IST1: variants seen among roughly 807,000 people sequenced by gnomAD.
The protein encoded by IST1 is IST1 factor associated with ESCRT-III.
A neutral mutation model predicts 37.0 loss-of-function variants in IST1; 23 were observed. That is an observed-to-expected ratio of 0.62 (90% confidence interval 0.45 to 0.88). IST1 has a LOEUF of 0.88. IST1 is among the 40% of genes least tolerant of loss of function. The pLI, the probability that IST1 is intolerant of heterozygous loss-of-function variation, is 0.00. For missense variants in IST1, 488 were observed against 445.4 expected, an observed-to-expected ratio of 1.10 and a Z score of -0.86; for synonymous variants, 180 against 161.7, an observed-to-expected ratio of 1.11 and a Z score of -0.86.
At chr16:71,907,594 G>T (rs1442368294) in intron 1 of IST1, among the ~76,000 whole-genome samples, 1 of 151,788 alleles carries the variant, frequency 6.6e-6, no homozygotes, top group Non-Finnish European at 1.5e-5. Flanking sequence ...AGGATTTAAT[G>T]ACCCAACTGT....
chr16:71,910,522 C>T (rs952441684), intron 1 of IST1, among the ~76,000 whole-genome samples: 3 of 150,848 alleles, frequency 2.0e-5, no homozygotes, highest in East Asian at 2.0e-4. Flanking sequence ...AGGAGAATGG[C>T]GTGAACCTGG....
chr16:71,918,009 C>G (rs987437299), intron 4 of IST1, among the ~76,000 whole-genome samples: 1 of 152,094 alleles, frequency 6.6e-6, no homozygotes, highest in Admixed American at 6.6e-5. Flanking sequence ...AGATTGGAAC[C>G]TCTCGTGTGC....
intron 1 of IST1, among the ~76,000 whole-genome samples, chr16:71,906,126 C>G (rs545150996): frequency 6.6e-6 from 1 of 151,724 alleles, no homozygotes; most frequent in South Asian, 2.1e-4. Flanking sequence ...GCCTCAGCCT[C>G]CCGAGTAGCT....
intron 1 of IST1, among the ~76,000 whole-genome samples, chr16:71,908,969 C>G (rs192784076): frequency 6.6e-6 from 1 of 152,120 alleles, no homozygotes; most frequent in Non-Finnish European, 1.5e-5. Context: ...AGACACTGAA[C>G]CTAGAACCCT....
chr16:71,924,706 AC>A, intron 8 of IST1, 62 bp from the exon 9 acceptor site: 1 of 1,270,100 alleles, frequency 7.9e-7, no homozygotes, highest in South Asian at 1.2e-5. Flanking sequence ...ACAGGGGCTT[AC>A]ACCAGTACTT....
chr16:71,894,621 G>A, upstream of IST1: 1 of 516,302 alleles, frequency 1.9e-6, no homozygotes, highest in South Asian at 2.2e-5. Flanking sequence ...GACCTTCTGG[G>A]CTCAAGCGAT....
chr16:71,921,875 C>T (rs898200751), intron 6 of IST1: 18 of 192,764 alleles, frequency 9.3e-5, no homozygotes, highest in Non-Finnish European at 1.6e-4. Flanking sequence ...GGCTGGCTCA[C>T]GCCTGTAATC....
chr16:71,900,209 C>G (rs1251008994), intron 1 of IST1, among the ~76,000 whole-genome samples: 3 of 150,660 alleles, frequency 2.0e-5, no homozygotes, highest in Non-Finnish European at 3.0e-5. Flanking sequence ...TAACACACGT[C>G]AAAACCAAAA....
chr16:71,929,619 A>G lies in IST1; in HGVS notation c.*1806A>G. ...GCTCAGATGAGGTTTTTTGGGGCCA[A>G]CTGATTCCTAACAAATTTGAGAGCT... On this transcript the variant is annotated 3_prime_UTR_variant, in exon 10 of 10. Transcript: ENST00000378799. 1 of 1,551,864 alleles carries G rather than the reference A, an allele frequency of 6.4e-7. No individual in the cohort carries two copies. The highest frequency in any genetic ancestry group is 2.0e-5 in the Admixed American group (1 of 51,002).
chr16:71,913,407 T>A (rs2037401230), intron 1 of IST1, among the ~76,000 whole-genome samples: 2 of 152,238 alleles, frequency 1.3e-5, no homozygotes, highest in Non-Finnish European at 2.9e-5. Flanking sequence ...TGTATATCAT[T>A]TTTGGAGAAA....
chr16:71,921,262 A>C, intron 5 of IST1, 81 bp from the exon 6 acceptor site: 1 of 817,170 alleles, frequency 1.2e-6, no homozygotes, highest in Non-Finnish European at 2.1e-6. Flanking sequence ...GTAAAATGAG[A>C]GGAGCTAACT....
At chr16:71,921,490 G>C (rs746331028) in intron 6 of IST1, 37 bp downstream of exon 6, 2 of 1,297,842 alleles carry the variant, frequency 1.5e-6, no homozygotes, top group South Asian at 2.4e-5. Flanking sequence ...AAATGAGTTT[G>C]TAGGTATGAC....
At chr16:71,923,007 T>C (rs2037644558) in intron 7 of IST1, 2 of 477,524 alleles carry the variant, frequency 4.2e-6, no homozygotes, top group Non-Finnish European at 7.4e-6. Context: ...GAACAACCTT[T>C]GTAGATAAGA....
chr16:71,928,015 G>C lies in IST1; in HGVS notation c.*202G>C, dbSNP rs2037792976. ...CCTGAGACTAACAATTGGAGACTGAGGCCAGAGCAACTGGCTCCTGGCAGC... is the reference window on the plus strand; with the variant it reads ...CCTGAGACTAACAATTGGAGACTGACGCCAGAGCAACTGGCTCCTGGCAGC... On this transcript the variant is annotated 3_prime_UTR_variant, in exon 10 of 10. Transcript: ENST00000378799. 3.6e-6 allele frequency: 2 copies of C among 550,300 alleles called. No individual in the cohort carries two copies. The highest frequency in any genetic ancestry group is 3.8e-5 in the African/African-American group (2 of 52,752). 34.1% of individuals were successfully genotyped at this position (550,300 alleles called of 1,614,324 possible).
At chr16:71,904,159 T>C (rs1369512264) in intron 1 of IST1, among the ~76,000 whole-genome samples, 1 of 152,182 alleles carries the variant, frequency 6.6e-6, no homozygotes, top group East Asian at 1.9e-4. Context: ...AGTTTCGCTG[T>C]TGTTGCCCAG....
intron 1 of IST1, among the ~76,000 whole-genome samples, chr16:71,900,422 G>A (rs942727775): frequency 6.0e-5 from 8 of 132,930 alleles, no homozygotes; most frequent in African/African-American, 2.4e-4. Context: ...TCACTATTTT[G>A]GGCAGCAGTT....
chr16:71,915,637 C>T lies in IST1; in HGVS notation c.-4C>T, dbSNP rs1399592523. 1.2e-6 allele frequency: 2 copies of T among 1,609,828 alleles called. No individual in the cohort carries two copies. Among genetic ancestry groups the T allele is most frequent in the Admixed American group, 1.7e-5 (1 of 59,312 alleles). ...TCTTCTGTTTCTAGGAGGAACAGCA[C>T]AGCATGCTGGGCTCTGGATTTAAAG... is the stretch of plus-strand genomic sequence containing the variant. On this transcript the variant is annotated 5_prime_UTR_variant, in exon 2 of 10. The change creates a premature stop within an existing upstream ORF in the 5' untranslated region. Transcript: ENST00000378799.
At chr16:71,896,261 C>T (rs757680247) in intron 1 of IST1, among the ~76,000 whole-genome samples, 1 of 152,048 alleles carries the variant, frequency 6.6e-6, no homozygotes, top group Non-Finnish European at 1.5e-5. Context: ...TGGAGGTGAC[C>T]TCTTGGAACT....
chr16:71,894,980 G>A, upstream of IST1: 1 of 713,592 alleles, frequency 1.4e-6, no homozygotes, highest in South Asian at 1.7e-5. Context: ...TGGTCCAAAG[G>A]GCAACCGGAC....
Sources: gnomAD v4.1 joint callset for allele counts (sites outside exome capture counted in the v4.1 genomes callset) on GRCh38, gnomAD v4.1.1 for gene constraint, MANE v1.5 for transcripts, NCBI Gene and HGNC (gene_info 2026-07-23, HGNC 2026-07-21) for gene names.